The following STX17 variants were observed in gnomAD, a reference collection of about 807,000 sequenced individuals.
STX17 encodes syntaxin 17.
In STX17, 29 loss-of-function variants were observed where a neutral mutation model predicts 35.9. The observed-to-expected ratio is 0.81, with a 90% CI of 0.60 to 1.10. The LOEUF (loss-of-function observed/expected upper bound fraction) is 1.10. Among genes scored for constraint, STX17 ranks in the 50% least tolerant of loss-of-function variants. The probability of loss-of-function intolerance (pLI) is 0.00; values close to 1 mark genes in which losing one functional copy is unlikely to be tolerated. For synonymous variants in STX17, 92 were observed against 118.3 expected, an observed-to-expected ratio of 0.78 and a Z score of 1.44; for missense variants, 312 against 352.3, an observed-to-expected ratio of 0.89 and a Z score of 0.92.
intron 2 of STX17, 65 bp from the exon 3 acceptor site, chr9:99,928,713 G>A: frequency 1.4e-6 from 2 of 1,430,820 alleles, no homozygotes; most frequent in Admixed American, 1.7e-5. Context: ...GGGGATTTTT[G>A]TGGTAATGGG....
rs1828745764 is a variant in STX17, at chr9:99,915,276, C to T, written c.37C>T (p.Leu13Phe). ...TGAAGAAAAAGTGAAATTACGCCGT[C>T]TTGAACCAGCTATCCAGAAATTCAT... is the stretch of plus-strand genomic sequence containing the variant. Reference protein sequence around the residue: ...EDEEKVKLRRLEPAIQKFIKI... With the variant: ...EDEEKVKLRRFEPAIQKFIKI... The change falls in exon 2 of 8, where the codon CTT becomes TTT. Residue 13 changes from leucine to phenylalanine, a missense_variant. Transcript: ENST00000259400. The T allele has an allele frequency of 6.2e-7, 1 of 1,612,784 alleles. No homozygotes were observed. The highest frequency in any genetic ancestry group is 1.7e-5 in the Admixed American group (1 of 59,798).
chr9:99,920,474 A>C (rs1363213192), intron 2 of STX17, among the ~76,000 whole-genome samples: 1 of 152,210 alleles, frequency 6.6e-6, no homozygotes, highest in African/African-American at 2.4e-5. Flanking sequence ...TAAGCTTCTG[A>C]ATTAAACTAA....
intron 6 of STX17, among the ~76,000 whole-genome samples, chr9:99,963,059 G>A (rs1829857727): frequency 6.6e-6 from 1 of 152,184 alleles, no homozygotes; most frequent in Non-Finnish European, 1.5e-5. Context: ...GATAGTAATA[G>A]TGGTTGCACA....
chr9:99,959,929 C>T lies in STX17; in HGVS notation c.428C>T (p.Thr143Ile), dbSNP rs1235851113. The T allele has an allele frequency of 1.2e-6, 2 of 1,611,714 alleles. No individual in the cohort carries two copies. Among genetic ancestry groups the T allele is most frequent in the Non-Finnish European group, 1.7e-6 (2 of 1,178,928 alleles). Residue 143 changes from threonine (T) to isoleucine (I), a missense_variant, in exon 5 of 8, where the codon ACT (threonine) becomes ATT (isoleucine). Thr to Ile is a moderately conservative substitution (Grantham distance 89). Transcript: ENST00000259400. ...TATGTTCATCCAGGAGCATTTCATA[C>T]TACTGAAGCTGAAGCTAGTTCTCAG... ...RSMTVGGAFH[T>I]TEAEASSQSL...
chr9:99,943,670 A>G (rs1156474698), intron 3 of STX17, among the ~76,000 whole-genome samples: 1 of 152,152 alleles, frequency 6.6e-6, no homozygotes, highest in African/African-American at 2.4e-5. Flanking sequence ...ATCCATGACC[A>G]TATTTTATTG....
At chr9:99,931,034 T>C (rs561885995) in intron 3 of STX17, among the ~76,000 whole-genome samples, 1 of 152,320 alleles carries the variant, frequency 6.6e-6, no homozygotes, top group African/African-American at 2.4e-5. Context: ...TGGAGTGCAG[T>C]GAGTGATGCA....
chr9:99,908,556 A>G (rs541469425), intron 1 of STX17, among the ~76,000 whole-genome samples: 18 of 152,132 alleles, frequency 1.2e-4, no homozygotes, highest in African/African-American at 4.3e-4. Context: ...TCCAGCTTTG[A>G]TCATTGGGAG....
At chr9:99,907,015 G>A (rs1828563825) in intron 1 of STX17, 1 of 152,270 alleles carries the variant, frequency 6.6e-6, no homozygotes, top group Non-Finnish European at 1.5e-5. Context: ...TAGGCCCCGG[G>A]TCGCCAGGGT....
In STX17 at chr9:99,968,584, T is replaced by C. The variant is rs111723145; in HGVS notation, c.820T>C (p.Leu274=). The part of the protein sequence containing the change: ...GGVLGFTGGK[L]IQRKKQKMME... The stretch of plus-strand genomic sequence containing the variant: ...GGTGTTGGGCTTCACAGGTGGAAAA[T>C]TGATACAAAGAAAGAAACAGAAAAT... The change falls in exon 8 of 8, where the codon TTG becomes CTG. Residue 274 remains leucine, a synonymous_variant. Transcript: ENST00000259400. The C allele has an allele frequency of 5.4e-5, 87 of 1,613,556 alleles. No homozygotes were observed. Among genetic ancestry groups the C allele is most frequent in the African/African-American group, 6.7e-5 (5 of 74,774 alleles).
At chr9:99,963,764 T>A (rs1040509092) in intron 6 of STX17, among the ~76,000 whole-genome samples, 2 of 152,218 alleles carry the variant, frequency 1.3e-5, no homozygotes, top group African/African-American at 4.8e-5. Flanking sequence ...AACATCCTAC[T>A]TATCTACTCT....
chr9:99,928,524 C>G (rs1455674579), intron 2 of STX17, among the ~76,000 whole-genome samples: 1 of 151,988 alleles, frequency 6.6e-6, no homozygotes, highest in African/African-American at 2.4e-5. Flanking sequence ...AATACATACT[C>G]TTTTTCAGTA....
chr9:99,908,697 G>C lies in STX17; in HGVS notation c.-63+1991G>C, dbSNP rs574880059. The stretch of plus-strand genomic sequence containing the variant: ...CTTGTGTTTTCTGTGCCTCAGCCCT[G>C]ATAGTCAGCCACTTCTCCAACGACC... On this transcript the variant is annotated intron_variant, in intron 1 of 7. Coordinates refer to ENST00000259400, the MANE Select transcript of STX17 (RefSeq NM_017919.3). Among the ~76,000 whole-genome samples, 3 of 152,094 alleles carry C rather than the reference G, an allele frequency of 2.0e-5. No individual in the cohort carries two copies. In the South Asian group the frequency reaches 6.2e-4, roughly 32 times the overall value.
At chr9:99,967,436 G>A (rs1159445569) in intron 6 of STX17, 1 of 398,910 alleles carries the variant, frequency 2.5e-6, no homozygotes, top group Non-Finnish European at 4.6e-6. Context: ...CTGTAAAGTT[G>A]CCACCCTTTT....
chr9:99,917,102 A>T (rs983551703), intron 2 of STX17, among the ~76,000 whole-genome samples: 1 of 152,158 alleles, frequency 6.6e-6, no homozygotes, highest in Non-Finnish European at 1.5e-5. Flanking sequence ...TTAGCATTTT[A>T]TGAAATTTTT....
intron 1 of STX17, among the ~76,000 whole-genome samples, chr9:99,908,994 C>T (rs968511775): frequency 3.3e-5 from 5 of 152,328 alleles, no homozygotes; most frequent in Admixed American, 3.3e-4. Flanking sequence ...AACTTTTTAT[C>T]TGACAGTGAG....
chr9:99,953,711 A>C, intron 4 of STX17, among the ~76,000 whole-genome samples: 1 of 152,074 alleles, frequency 6.6e-6, no homozygotes, highest in East Asian at 1.9e-4. Context: ...TGGAAAGAGT[A>C]ACTAACATCA....
At chr9:99,940,802 C>T (rs1564067266) in intron 3 of STX17, among the ~76,000 whole-genome samples, 1 of 152,100 alleles carries the variant, frequency 6.6e-6, no homozygotes. Context: ...TTTTTAGAAA[C>T]TTTATCTCTT....
intron 3 of STX17, among the ~76,000 whole-genome samples, chr9:99,930,514 G>A (rs1393581957): frequency 2.6e-5 from 4 of 152,046 alleles, no homozygotes; most frequent in African/African-American, 7.2e-5. Flanking sequence ...TGGTCCACCC[G>A]CCTCAGCCTC....
chr9:99,968,435 C>T lies in STX17; in HGVS notation c.671C>T (p.Ala224Val). 1 of 1,519,366 alleles carries T rather than the reference C, an allele frequency of 6.6e-7. No individual in the cohort carries two copies. 94.1% of individuals were successfully genotyped at this position (1,519,366 alleles called of 1,614,324 possible). A position where few individuals can be genotyped will look rare whatever the true frequency, so the allele number is the denominator to read the frequency against. Residue 224 changes from alanine (A) to valine (V), a missense_variant and splice_region_variant, in exon 8 of 8, where the codon GCT (alanine) becomes GTT (valine). Ala to Val is a moderately conservative substitution (Grantham distance 64). Coordinates refer to ENST00000259400, the MANE Select transcript of STX17 (RefSeq NM_017919.3). ...VEEGTKNLGKAAKYKLAALPV... is the reference protein window; with the variant it reads ...VEEGTKNLGKVAKYKLAALPV... ...ATTGAATTTTTTTTTTTTTTACAGGCTGCAAAATACAAGCTGGCAGCTCTG... is the reference window on the plus strand; with the variant it reads ...ATTGAATTTTTTTTTTTTTTACAGGTTGCAAAATACAAGCTGGCAGCTCTG...
Sources: allele counts gnomAD v4.1 joint callset (sites outside exome capture counted in the v4.1 genomes callset), GRCh38; gene constraint gnomAD v4.1.1; transcripts MANE v1.5; gene names NCBI Gene and HGNC (gene_info 2026-07-23, HGNC 2026-07-21).